COL22A1: variants seen among roughly 807,000 people sequenced by gnomAD.
COL22A1 encodes collagen alpha-1(XXII) chain.
Under a neutral mutation model 248.9 loss-of-function variants are expected in COL22A1, and 221 were observed. That is an observed-to-expected ratio of 0.89 (90% CI 0.80 to 0.99). The LOEUF (loss-of-function observed/expected upper bound fraction) is 0.99. COL22A1 is among the 50% of genes least tolerant of loss of function. COL22A1 has a pLI of 0.00. For synonymous variants in COL22A1, 891 were observed against 793.4 expected, an observed-to-expected ratio of 1.12 and a Z score of -2.07; for missense variants, 2,240 against 2,179.0, an observed-to-expected ratio of 1.03 and a Z score of -0.56.
At chr8:138,855,430 T>C (rs1315054997) in intron 3 of COL22A1, among the ~76,000 whole-genome samples, 4 of 152,158 alleles carry the variant, frequency 2.6e-5, no homozygotes, top group Non-Finnish European at 5.9e-5. Context: ...CCCTGCATGC[T>C]CCTTGCTGCT....
intron 7 of COL22A1, among the ~76,000 whole-genome samples, chr8:138,813,982 G>A (rs535905226): frequency 2.6e-5 from 4 of 152,324 alleles, no homozygotes; most frequent in African/African-American, 9.6e-5. Context: ...CCTTAAACAA[G>A]ACGTAACACG....
intron 3 of COL22A1, among the ~76,000 whole-genome samples, chr8:138,867,162 T>TGACAA (rs1250187555): frequency 3.3e-5 from 5 of 152,224 alleles, no homozygotes; most frequent in Non-Finnish European, 7.3e-5. Flanking sequence ...GACAATACGT[T>TGACAA]AACAAGTTGA....
intron 4 of COL22A1, among the ~76,000 whole-genome samples, chr8:138,834,241 C>G (rs889652889): frequency 1.3e-5 from 2 of 151,910 alleles, no homozygotes; most frequent in African/African-American, 2.4e-5. Context: ...CCTGTGCCCC[C>G]CCAGGGATAA....
At chr8:138,848,951 C>T (rs1046354945) in intron 3 of COL22A1, among the ~76,000 whole-genome samples, 20 of 152,254 alleles carry the variant, frequency 1.3e-4, no homozygotes, top group East Asian at 1.2e-3. Flanking sequence ...CACCTCGCAG[C>T]GGCCGCTGCT....
At chr8:138,819,383 A>G (rs922946005) in intron 7 of COL22A1, among the ~76,000 whole-genome samples, 8 of 152,044 alleles carry the variant, frequency 5.3e-5, no homozygotes, top group Non-Finnish European at 1.2e-4. Context: ...ATGGCCTAGC[A>G]TCACCAAAGG....
At chr8:138,618,488 A>T (rs1819508404) in intron 53 of COL22A1, among the ~76,000 whole-genome samples, 1 of 152,214 alleles carries the variant, frequency 6.6e-6, no homozygotes, top group Admixed American at 6.5e-5. Context: ...AACCACCTTT[A>T]ATAAATTGAT....
intron 41 of COL22A1, among the ~76,000 whole-genome samples, chr8:138,669,619 C>T (rs1378870768): frequency 6.6e-6 from 1 of 152,148 alleles, no homozygotes; most frequent in African/African-American, 2.4e-5. Flanking sequence ...GTGACCAAGG[C>T]CAGCTGCCTA....
At chr8:138,853,435 C>T (rs1345877317) in intron 3 of COL22A1, among the ~76,000 whole-genome samples, 1 of 152,210 alleles carries the variant, frequency 6.6e-6, no homozygotes, top group Non-Finnish European at 1.5e-5. Context: ...GGAAAACACA[C>T]ATACTCCCAA....
At position 138,662,029 on chromosome 8, in the gene COL22A1, C is replaced by CA. The variant is rs763687670; in HGVS notation, c.3240_3240+1insT (p.Gly1081TrpfsTer31). 6.2e-7 allele frequency: 1 copy of CA among 1,611,328 alleles called. No homozygotes were observed. The highest frequency in any genetic ancestry group is 1.1e-5 in the South Asian group (1 of 90,498). On this transcript the variant is annotated frameshift_variant and splice_region_variant. Transcript: ENST00000303045. LOFTEE classifies it high-confidence loss of function. ...AGTCCACGCCATTTCTCTGTACTTA[C>CA]GTCCCGGCCGGCTGGGCCCTGGGGG... is the stretch of plus-strand genomic sequence containing the variant.
intron 1 of COL22A1, among the ~76,000 whole-genome samples, chr8:138,884,572 G>A (rs965415329): frequency 3.3e-5 from 5 of 152,136 alleles, no homozygotes; most frequent in South Asian, 2.1e-4. Context: ...AAGGGAGTAC[G>A]TCGGGAGCAA....
At chr8:138,713,562 A>G (rs774257176) in intron 30 of COL22A1, among the ~76,000 whole-genome samples, 6 of 152,184 alleles carry the variant, frequency 3.9e-5, no homozygotes, top group Admixed American at 2.0e-4. Flanking sequence ...CATCTCGTGC[A>G]TGTGCGGTTT....
chr8:138,670,313 T>C (rs994757254), intron 41 of COL22A1, among the ~76,000 whole-genome samples: 1 of 152,208 alleles, frequency 6.6e-6, no homozygotes, highest in African/African-American at 2.4e-5. Flanking sequence ...CTCAGCCTCC[T>C]CCTTCACTAC....
rs779574161 is a variant in COL22A1, at chr8:138,617,001, C to T, written c.3826-43G>A. 40 of 1,611,768 alleles carry T rather than the reference C, an allele frequency of 2.5e-5. 2 individuals carry two copies. In the South Asian group the frequency reaches 4.3e-4, roughly 17 times the overall value. On this transcript the variant is annotated intron_variant, in intron 53 of 64. Transcript: ENST00000303045. The stretch of plus-strand genomic sequence containing the variant: ...GAGTTATTCCATGATAGAGCAGGCT[C>T]TTGGGGCAGAAGTGGGCAGGCATAC...
At chr8:138,902,739 T>TATATATACACACACAC (rs763466994) in intron 1 of COL22A1, among the ~76,000 whole-genome samples, 152 of 93,876 alleles carry the variant, frequency 1.6e-3, no homozygotes, top group Middle Eastern at 6.8e-3. Context: ...TATATATATA[T>TATATATACACACACAC]ACACACACAC....
In COL22A1 at chr8:138,808,639, C is replaced by A. The variant is rs145962800; in HGVS notation, c.1450-827G>T. 6.4e-4 allele frequency among the ~76,000 whole-genome samples: 98 copies of A among 152,152 alleles called. 2 individuals carry two copies. In the East Asian group the frequency reaches 0.017, roughly 26 times the overall value. ...CGCCAAGCTGAAAACAAATGCAACA[C>A]GATTAATATAATTTTATAGATATAA... On this transcript the variant is annotated intron_variant, in intron 9 of 64. Transcript: ENST00000303045.
chr8:138,698,657 T>C (rs942479463), intron 32 of COL22A1, among the ~76,000 whole-genome samples: 6 of 151,918 alleles, frequency 3.9e-5, no homozygotes, highest in Non-Finnish European at 8.8e-5. Flanking sequence ...AGAGGTGCTG[T>C]GTCCCTCATG....
At chr8:138,776,035 A>G in intron 15 of COL22A1, 25 bp from the exon 16 acceptor site, 1 of 1,613,332 alleles carries the variant, frequency 6.2e-7, no homozygotes, top group Non-Finnish European at 8.5e-7. Flanking sequence ...AAGAGCAGTG[A>G]CCCAACATCT....
At chr8:138,853,688 G>A (rs181237861) in intron 3 of COL22A1, among the ~76,000 whole-genome samples, 136 of 152,224 alleles carry the variant, frequency 8.9e-4, no homozygotes, top group African/African-American at 3.0e-3. Flanking sequence ...GGATTAAGGC[G>A]GTGCTAGTGT....
intron 12 of COL22A1, among the ~76,000 whole-genome samples, chr8:138,793,774 C>T (rs1033119999): frequency 2.0e-5 from 3 of 152,158 alleles, no homozygotes; most frequent in African/African-American, 7.2e-5. Flanking sequence ...CAAGGCTGCC[C>T]GCTGTGAGCT....
Sources: allele counts gnomAD v4.1 joint callset (sites outside exome capture counted in the v4.1 genomes callset), GRCh38; gene constraint gnomAD v4.1.1; transcripts MANE v1.5; gene names NCBI Gene and HGNC (gene_info 2026-07-23, HGNC 2026-07-21).